Variants in ANKRD50 observed in about 807,000 individuals in gnomAD.
The protein encoded by ANKRD50 is ankyrin repeat domain 50, also known as ankyrin repeat domain-containing protein 50.
ANKRD50 carries 40 observed loss-of-function variants against 112.0 expected under a neutral mutation model. The observed-to-expected ratio is 0.36, with a 90% CI of 0.28 to 0.46. ANKRD50 has a LOEUF of 0.46. Ranked by LOEUF, ANKRD50 falls within the 20% of genes least tolerant of loss-of-function variation. ANKRD50 has a pLI of 1.00. For missense variants in ANKRD50, 1,487 were observed against 1,701.7 expected (o/e 0.87, Z 2.22); for synonymous variants, 613 against 619.1 (o/e 0.99, Z 0.15).
chr4:124,695,419 T>G (rs185995445), intron 2 of ANKRD50, among the ~76,000 whole-genome samples: 67 of 152,216 alleles, frequency 4.4e-4, no homozygotes, highest in Admixed American at 4.1e-3. Flanking sequence ...CGGCAAAGCT[T>G]TCAAGGGGTC....
intron 2 of ANKRD50, among the ~76,000 whole-genome samples, chr4:124,700,256 T>C (rs1466879888): frequency 6.6e-6 from 1 of 152,200 alleles, no homozygotes; most frequent in Non-Finnish European, 1.5e-5. Flanking sequence ...AAGAGCAATG[T>C]GCAAGAATAA....
chr4:124,693,988 A>C (rs2110521440), intron 2 of ANKRD50, among the ~76,000 whole-genome samples: 1 of 152,294 alleles, frequency 6.6e-6, no homozygotes, highest in South Asian at 2.1e-4. Context: ...GAGAAGTAGA[A>C]AAAATAATGC....
At chr4:124,673,525 T>TGCA (rs768066479) in intron 3 of ANKRD50, among the ~76,000 whole-genome samples, 5 of 151,810 alleles carry the variant, frequency 3.3e-5, no homozygotes, top group South Asian at 2.1e-4. Flanking sequence ...TGGCAGCAGT[T>TGCA]GCAGCAGCAG....
At position 124,665,514 on chromosome 4, in the gene ANKRD50, T is replaced by C. The variant is rs557533847; in HGVS notation, c.*2004A>G. 1 of 152,384 alleles carries C rather than the reference T, an allele frequency of 6.6e-6. No homozygotes were observed. Among genetic ancestry groups the C allele is most frequent in the Non-Finnish European group, 1.5e-5 (1 of 67,880 alleles). The allele number at this position is 152,384 out of a possible 1,614,324, so 9.4% of individuals were successfully genotyped here. On this transcript the variant is annotated 3_prime_UTR_variant, in exon 5 of 5. Coordinates refer to ENST00000504087, the MANE Select transcript of ANKRD50 (RefSeq NM_020337.3). Reference sequence around the variant, plus strand: ...GGTTCTCTTTCTAAAGAAAATTACATGTAATAGAAATTAGAGCTTCATCCT... The same window carrying C: ...GGTTCTCTTTCTAAAGAAAATTACACGTAATAGAAATTAGAGCTTCATCCT...
chr4:124,685,289 T>C (rs1179174671), intron 2 of ANKRD50, among the ~76,000 whole-genome samples: 1 of 152,162 alleles, frequency 6.6e-6, no homozygotes. Context: ...ATAAATTTGC[T>C]TCATGAATGA....
At chr4:124,685,446 T>A (rs530083686) in intron 2 of ANKRD50, among the ~76,000 whole-genome samples, 1 of 152,310 alleles carries the variant, frequency 6.6e-6, no homozygotes, top group Admixed American at 6.5e-5. Context: ...CAGATTCACA[T>A]TTTTCTGTTA....
At chr4:124,702,929 G>T (rs971902510) in intron 2 of ANKRD50, among the ~76,000 whole-genome samples, 17 of 151,994 alleles carry the variant, frequency 1.1e-4, no homozygotes, top group African/African-American at 4.1e-4. Flanking sequence ...TTTAAACATA[G>T]GTTAGTGAGG....
At chr4:124,689,761 G>A (rs1363955793) in intron 2 of ANKRD50, among the ~76,000 whole-genome samples, 1 of 152,056 alleles carries the variant, frequency 6.6e-6, no homozygotes, top group Non-Finnish European at 1.5e-5. Context: ...GTTGACTACA[G>A]GTCTTAGGAT....
intron 1 of ANKRD50, among the ~76,000 whole-genome samples, chr4:124,712,083 C>G (rs1177315276): frequency 6.6e-6 from 1 of 152,114 alleles, no homozygotes; most frequent in Non-Finnish European, 1.5e-5. Flanking sequence ...CACAGGGGAG[C>G]CACCTCAGAG....
intron 2 of ANKRD50, among the ~76,000 whole-genome samples, chr4:124,699,289 T>C (rs1725332958): frequency 6.6e-6 from 1 of 151,770 alleles, no homozygotes; most frequent in Non-Finnish European, 1.5e-5. Flanking sequence ...GGTACATGTA[T>C]GTTTGCTTTC....
At position 124,664,390 on chromosome 4, in the gene ANKRD50, TTAAGA is replaced by T. The variant is rs1221019130; in HGVS notation, c.*3123_*3127del. On this transcript the variant is annotated 3_prime_UTR_variant, in exon 5 of 5. Coordinates refer to ENST00000504087, the MANE Select transcript of ANKRD50 (RefSeq NM_020337.3). Reference sequence around the variant, plus strand: ...CCAAATTCATTTGCTCAGGATTTATTTAAGATAATAACTTAAAACAACTAACAGTT... The same window carrying T: ...CCAAATTCATTTGCTCAGGATTTATTTAATAACTTAAAACAACTAACAGTT... The T allele has an allele frequency of 2.0e-5, 3 of 152,188 alleles. No individual in the cohort carries two copies. The highest frequency in any genetic ancestry group is 1.3e-4 in the Admixed American group (2 of 15,242). The allele number at this position is 152,188 out of a possible 1,614,324, so 9.4% of individuals were successfully genotyped here.
intron 2 of ANKRD50, among the ~76,000 whole-genome samples, chr4:124,705,338 C>T (rs899415317): frequency 3.3e-5 from 5 of 152,186 alleles, no homozygotes; most frequent in African/African-American, 1.2e-4. Context: ...ACTCTCAAAA[C>T]TTAGAGTTAT....
intron 2 of ANKRD50, among the ~76,000 whole-genome samples, chr4:124,683,369 C>T: frequency 6.6e-6 from 1 of 151,740 alleles, no homozygotes; most frequent in East Asian, 1.9e-4. Flanking sequence ...TTGATACCTA[C>T]ATGCAATCTG....
At chr4:124,699,256 TAA>T (rs35038493) in intron 2 of ANKRD50, among the ~76,000 whole-genome samples, 79 of 145,262 alleles carry the variant, frequency 5.4e-4, no homozygotes, top group African/African-American at 1.2e-3. Flanking sequence ...GCAGATATGA[TAA>T]AAAAAAAAAA....
rs1170289384 is a variant in ANKRD50 at position 124,670,274 on chromosome 4, G to A, written c.3003C>T (p.Tyr1001=). 2.5e-6 allele frequency: 4 copies of A among 1,613,898 alleles called. No homozygotes were observed. In the South Asian group the frequency reaches 4.4e-5, roughly 18 times the overall value. ...TGTCTGCAGCATTGACGTCAGCATG[G>A]TATGCTATCAGGACCTGCACCATTT... The part of the protein sequence containing the change: ...HMEMVQVLIA[Y]HADVNAADNE... The change falls in exon 4 of 5, where the codon TAC becomes TAT. Residue 1001 remains tyrosine, a synonymous_variant. Coordinates refer to ENST00000504087, the MANE Select transcript of ANKRD50 (RefSeq NM_020337.3).
chr4:124,710,689 T>C lies in ANKRD50; in HGVS notation c.-178A>G. 2 of 737,066 alleles carry C rather than the reference T, an allele frequency of 2.7e-6. No homozygotes were observed. 45.7% of individuals were successfully genotyped at this position (737,066 alleles called of 1,614,324 possible). A position where few individuals can be genotyped will look rare whatever the true frequency, so the allele number is the denominator to read the frequency against. ...AACGTGCATGACTTTATTTGGTTCC[T>C]TATTCTTGATCAGCAGTCTATGTAT... On this transcript the variant is annotated 5_prime_UTR_variant, in exon 2 of 5. Transcript: ENST00000504087.
chr4:124,697,508 G>C (rs764217861), intron 2 of ANKRD50, among the ~76,000 whole-genome samples: 4 of 152,064 alleles, frequency 2.6e-5, no homozygotes, highest in Non-Finnish European at 5.9e-5. Context: ...CAAGAAAGCA[G>C]GTAAGTTATA....
Position 124,665,754 on chromosome 4 carries a change from C to T in ANKRD50, c.*1764G>A, listed in dbSNP as rs963267889. 6.6e-6 allele frequency: 1 copy of T among 152,264 alleles called. No individual in the cohort carries two copies. Among genetic ancestry groups the T allele is most frequent in the Non-Finnish European group, 1.5e-5 (1 of 67,862 alleles). 9.4% of individuals were successfully genotyped at this position (152,264 alleles called of 1,614,324 possible). On this transcript the variant is annotated 3_prime_UTR_variant, in exon 5 of 5. Transcript: ENST00000504087. ...TAATATTGCCATGTCACCTTAATAT[C>T]AATTGAACTTATCAACTTATCTCGT...
intron 2 of ANKRD50, among the ~76,000 whole-genome samples, chr4:124,691,078 A>C (rs1214973517): frequency 6.6e-6 from 1 of 152,236 alleles, no homozygotes; most frequent in Non-Finnish European, 1.5e-5. Context: ...GGACAAGGAT[A>C]GAAAGAAATA....
Sources: gnomAD v4.1 joint callset for allele counts (sites outside exome capture counted in the v4.1 genomes callset) on GRCh38, gnomAD v4.1.1 for gene constraint, MANE v1.5 for transcripts, NCBI Gene and HGNC (gene_info 2026-07-23, HGNC 2026-07-21) for gene names.